Variants in NPFFR2 observed in about 807,000 individuals in gnomAD.
The protein encoded by NPFFR2 is neuropeptide FF receptor 2.
In NPFFR2, 15 loss-of-function variants were observed where a neutral mutation model predicts 13.1. That is an observed-to-expected ratio of 1.15 (90% CI 0.77 to 1.76). NPFFR2 has a LOEUF of 1.76. Ranked by LOEUF, NPFFR2 falls within the 40% of genes most tolerant of loss-of-function variation. The pLI is 0.00. For synonymous variants in NPFFR2, 190 were observed against 175.7 expected, an observed-to-expected ratio of 1.08 and a Z score of -0.65; for missense variants, 572 against 503.5, an observed-to-expected ratio of 1.14 and a Z score of -1.30.
At chr4:72,059,348 G>A (rs559602989) in intron 1 of NPFFR2, among the ~76,000 whole-genome samples, 1 of 152,086 alleles carries the variant, frequency 6.6e-6, no homozygotes, top group East Asian at 1.9e-4. Flanking sequence ...CAAAAAACTG[G>A]TTTTTTGACT....
chr4:72,070,680 G>A lies in NPFFR2; in HGVS notation c.-8+38480G>A, dbSNP rs111372098. 9.9e-4 allele frequency among the ~76,000 whole-genome samples: 150 copies of A among 151,830 alleles called. 1 individual carries two copies. Among genetic ancestry groups the A allele is most frequent in the African/African-American group, 3.4e-3 (142 of 41,378 alleles). Reference sequence around the variant, plus strand: ...GAGGACCCTCCCCTCATGGCCTTCCGCAGCTCCATTTGTCAGGGAAGTGGC... The same window carrying A: ...GAGGACCCTCCCCTCATGGCCTTCCACAGCTCCATTTGTCAGGGAAGTGGC... On this transcript the variant is annotated intron_variant, in intron 1 of 3. Coordinates refer to ENST00000308744, the MANE Select transcript of NPFFR2 (RefSeq NM_004885.3).
intron 1 of NPFFR2, among the ~76,000 whole-genome samples, chr4:72,112,050 T>C (rs371704417): frequency 3.1e-4 from 47 of 152,196 alleles, no homozygotes; most frequent in African/African-American, 1.1e-3. Context: ...AAAAGGCCTA[T>C]GATTGCTTGT....
chr4:72,067,304 A>G (rs934221075), intron 1 of NPFFR2, among the ~76,000 whole-genome samples: 2 of 151,800 alleles, frequency 1.3e-5, no homozygotes, highest in Non-Finnish European at 3.0e-5. Flanking sequence ...GAAAGGACTT[A>G]CAGTAACGTT....
intron 1 of NPFFR2, among the ~76,000 whole-genome samples, chr4:72,081,491 G>T (rs76432026): frequency 0.019 from 2,715 of 143,944 alleles, 108 homozygotes; most frequent in African/African-American, 0.066. Flanking sequence ...TTTAAGAATT[G>T]TTTTTTTTTT....
At chr4:72,121,205 A>G (rs1721865645) in intron 1 of NPFFR2, among the ~76,000 whole-genome samples, 1 of 152,146 alleles carries the variant, frequency 6.6e-6, no homozygotes, top group African/African-American at 2.4e-5. Context: ...TAGAGAAAAA[A>G]GAATGAAAAG....
At chr4:72,068,095 G>A (rs1327930895) in intron 1 of NPFFR2, among the ~76,000 whole-genome samples, 3 of 152,046 alleles carry the variant, frequency 2.0e-5, no homozygotes, top group Non-Finnish European at 4.4e-5. Flanking sequence ...CTATATTTTG[G>A]TATCTGTTAT....
At chr4:72,137,955 T>C (rs1722469217) in intron 2 of NPFFR2, 85 bp from the exon 3 acceptor site, 1 of 985,420 alleles carries the variant, frequency 1.0e-6, no homozygotes, top group Middle Eastern at 2.1e-4. Flanking sequence ...GTTACATTAG[T>C]CTCGTTTCCA....
At chr4:72,091,684 C>T (rs970159226) in intron 1 of NPFFR2, among the ~76,000 whole-genome samples, 8 of 152,136 alleles carry the variant, frequency 5.3e-5, no homozygotes, top group African/African-American at 1.9e-4. Flanking sequence ...GTAATATATC[C>T]TGTTTTGTTT....
chr4:72,037,804 A>G (rs368591690), intron 1 of NPFFR2, among the ~76,000 whole-genome samples: 189 of 152,320 alleles, frequency 1.2e-3, no homozygotes, highest in African/African-American at 4.3e-3. Context: ...TTCAGCTGGA[A>G]AAACTACATT....
chr4:72,076,490 C>T (rs926152924), intron 1 of NPFFR2, among the ~76,000 whole-genome samples: 7 of 152,042 alleles, frequency 4.6e-5, no homozygotes, highest in Admixed American at 2.0e-4. Flanking sequence ...GAATACAGGG[C>T]TTTGGAGTGC....
chr4:72,118,094 A>C (rs1248648577), intron 1 of NPFFR2, among the ~76,000 whole-genome samples: 1 of 152,174 alleles, frequency 6.6e-6, no homozygotes, highest in Non-Finnish European at 1.5e-5. Flanking sequence ...CAGAGTGCTT[A>C]TTCTGAATTA....
At chr4:72,085,969 C>T (rs1241368500) in intron 1 of NPFFR2, among the ~76,000 whole-genome samples, 1 of 151,956 alleles carries the variant, frequency 6.6e-6, no homozygotes, top group East Asian at 1.9e-4. Context: ...AGAGCAGGTG[C>T]TTTGTCTGAT....
intron 2 of NPFFR2, among the ~76,000 whole-genome samples, chr4:72,131,379 A>G (rs1221909919): frequency 2.8e-5 from 4 of 141,496 alleles, no homozygotes; most frequent in Non-Finnish European, 6.0e-5. Flanking sequence ...TCTCACTCAT[A>G]GGTGGGAATT....
chr4:72,071,385 G>A (rs1271351991), intron 1 of NPFFR2, among the ~76,000 whole-genome samples: 4 of 151,598 alleles, frequency 2.6e-5, no homozygotes, highest in Non-Finnish European at 4.4e-5. Flanking sequence ...TGTGAGGAGC[G>A]TGTATGACCC....
At chr4:72,088,656 G>A (rs986505642) in intron 1 of NPFFR2, among the ~76,000 whole-genome samples, 1 of 151,990 alleles carries the variant, frequency 6.6e-6, no homozygotes, top group Non-Finnish European at 1.5e-5. Context: ...CAAAGGGGAA[G>A]CAACACGTCT....
rs146502605 is a variant in NPFFR2, at chr4:72,118,470, C to T, written c.-7-10115C>T. Among the ~76,000 whole-genome samples the T allele has an allele frequency of 4.3e-3, 654 of 152,160 alleles. 20 individuals are homozygous for T. The highest frequency in any genetic ancestry group is 0.039 in the Admixed American group (597 of 15,278). On this transcript the variant is annotated intron_variant, in intron 1 of 3. Coordinates refer to ENST00000308744, the MANE Select transcript of NPFFR2 (RefSeq NM_004885.3). Reference sequence around the variant, plus strand: ...GGATTAAATAATTTACTCAAAGTCACGCAGGTATTAATCATGAATCTATCT... The same window carrying T: ...GGATTAAATAATTTACTCAAAGTCATGCAGGTATTAATCATGAATCTATCT...
chr4:72,043,063 A>C (rs1250756680), intron 1 of NPFFR2, among the ~76,000 whole-genome samples: 1 of 152,156 alleles, frequency 6.6e-6, no homozygotes, highest in Non-Finnish European at 1.5e-5. Flanking sequence ...CCTGTGTCCC[A>C]GCCACTCCAA....
intron 1 of NPFFR2, among the ~76,000 whole-genome samples, chr4:72,121,119 G>A (rs756439604): frequency 2.0e-4 from 31 of 151,832 alleles, no homozygotes; most frequent in Non-Finnish European, 3.5e-4. Flanking sequence ...ACTATCAATA[G>A]CCAAATCGAT....
intron 1 of NPFFR2, among the ~76,000 whole-genome samples, chr4:72,116,119 T>C (rs1721705554): frequency 1.3e-5 from 2 of 152,208 alleles, no homozygotes; most frequent in Non-Finnish European, 1.5e-5. Flanking sequence ...GTTTTGAAAC[T>C]ATTGCATAGA....
Sources: allele counts gnomAD v4.1 joint callset (sites outside exome capture counted in the v4.1 genomes callset), GRCh38; gene constraint gnomAD v4.1.1; transcripts MANE v1.5; gene names NCBI Gene and HGNC (gene_info 2026-07-23, HGNC 2026-07-21).